The following TGM2 variants were observed in gnomAD, a reference collection of about 807,000 sequenced individuals.
The protein encoded by TGM2 is protein-glutamine gamma-glutamyltransferase 2.
In TGM2, 53 loss-of-function variants were observed where a neutral mutation model predicts 75.6. The ratio of observed to expected loss-of-function variants is 0.70; its 90% confidence interval spans 0.56 to 0.88. The LOEUF (loss-of-function observed/expected upper bound fraction) is 0.88. TGM2 is among the 40% of genes least tolerant of loss of function. The pLI is 0.00. For missense variants in TGM2, 842 were observed against 928.5 expected (o/e 0.91, Z 1.21); for synonymous variants, 374 against 381.1 (o/e 0.98, Z 0.22).
intron 5 of TGM2, 40 bp downstream of exon 5, chr20:38,147,921 T>C (rs1286732801): frequency 1.9e-6 from 3 of 1,589,642 alleles, no homozygotes; most frequent in East Asian, 2.3e-5. Flanking sequence ...GGGAGCCCCC[T>C]GTAGGCCCCG....
chr20:38,141,005 T>C (rs1205020419), intron 8 of TGM2, among the ~76,000 whole-genome samples: 1 of 152,228 alleles, frequency 6.6e-6, no homozygotes, highest in African/African-American at 2.4e-5. Flanking sequence ...GTGTGAATGT[T>C]AATGCTGCTT....
chr20:38,146,784 C>T lies in TGM2; in HGVS notation c.792G>A (p.Trp264Ter). ...WIGSVDILRR[W>*]KNHGCQRVKY... is the part of the protein sequence containing the mutation. ...TGACGCGCTGGCAGCCGTGGTTCTT[C>T]CAGCGCCGCAGGATGTCCACGCTGC... is the stretch of plus-strand genomic sequence containing the variant. Residue 264 changes from tryptophan (W) to a stop codon, truncating the protein, a stop_gained, in exon 6 of 13, where the codon TGG (tryptophan) becomes TGA (stop). Transcript: ENST00000361475. LOFTEE classifies it high-confidence loss of function. 1 of 1,613,948 alleles carries T rather than the reference C, an allele frequency of 6.2e-7. No individual in the cohort carries two copies. The highest frequency in any genetic ancestry group is 8.5e-7 in the Non-Finnish European group (1 of 1,180,006).
In TGM2 at chr20:38,165,199, G is replaced by C; in HGVS notation, c.-1C>G. On this transcript the variant is annotated 5_prime_UTR_variant, in exon 1 of 13. Transcript: ENST00000361475. ...GACTCTGATACTCACCCTCGGCCAT[G>C]GTCGGGCGGGGGCGGTGGCTCCTTC... is the stretch of plus-strand genomic sequence containing the variant. The C allele has an allele frequency of 6.2e-7, 1 of 1,613,468 alleles. No homozygotes were observed.
chr20:38,149,535 C>T (rs1032892937), intron 4 of TGM2, among the ~76,000 whole-genome samples: 103 of 151,954 alleles, frequency 6.8e-4, no homozygotes, highest in African/African-American at 2.1e-3. Context: ...AAAAATTAGC[C>T]GGGTGTGGTG....
At position 38,128,069 on chromosome 20, in the gene TGM2, C is replaced by T. The variant is rs957509807; in HGVS notation, c.*2150G>A. On this transcript the variant is annotated 3_prime_UTR_variant, in exon 13 of 13. Transcript: ENST00000361475. ...TTGAATTGGTCCATATTCCAGGACT[C>T]TGGGGACCCGAAAAGATATCAAGGA... 1 of 152,284 alleles carries T rather than the reference C, an allele frequency of 6.6e-6. No individual in the cohort carries two copies. The highest frequency in any genetic ancestry group is 2.1e-4 in the South Asian group (1 of 4,820). The allele number at this position is 152,284 out of a possible 1,614,324, so 9.4% of individuals were successfully genotyped here.
Position 38,151,031 on chromosome 20 carries a change from C to T in TGM2, c.460G>A (p.Glu154Lys), listed in dbSNP as rs1260605237. 5.0e-6 allele frequency: 8 copies of T among 1,614,180 alleles called. No homozygotes were observed. The highest frequency in any genetic ancestry group is 6.8e-6 in the Non-Finnish European group (8 of 1,180,020). ...GTGAGGACATACTCCTGCCGCTCCT[C>T]TTCCGAGTCCAGGTACACAGCATCC... ...PADAVYLDSE[E>K]ERQEYVLTQQ... is the part of the protein sequence containing the mutation. Residue 154 changes from glutamate (E) to lysine (K), a missense_variant, in exon 4 of 13, where the codon GAG (glutamate) becomes AAG (lysine). Physicochemically the swap from Glu to Lys is moderately conservative, Grantham distance 56 (BLOSUM62 1). Coordinates refer to ENST00000361475, the MANE Select transcript of TGM2 (RefSeq NM_004613.4).
At position 38,146,926 on chromosome 20, in the gene TGM2, C is replaced by G. The variant is rs1484684865; in HGVS notation, c.682-32G>C. ...CCAGTGGGGCAGCACGGGGACTGAG[C>G]CTGGGATGGGGTGTCGGCTGTGCCG... On this transcript the variant is annotated intron_variant, in intron 5 of 12. Coordinates refer to ENST00000361475, the MANE Select transcript of TGM2 (RefSeq NM_004613.4). 1.9e-6 allele frequency: 3 copies of G among 1,606,012 alleles called. No individual in the cohort carries two copies. In the South Asian group the frequency reaches 3.3e-5, roughly 18 times the overall value.
At chr20:38,146,602 T>G in intron 6 of TGM2, 115 bp downstream of exon 6, 1 of 1,253,946 alleles carries the variant, frequency 8.0e-7, no homozygotes, top group Non-Finnish European at 1.1e-6. Context: ...ACATAGCGCA[T>G]TGAGAGTGTT....
chr20:38,143,564 G>A (rs2075004661), intron 6 of TGM2, among the ~76,000 whole-genome samples: 1 of 152,216 alleles, frequency 6.6e-6, no homozygotes. Flanking sequence ...TCAGCTCAGA[G>A]AGGCGAGGAG....
rs2075272192 is a variant in TGM2, at chr20:38,163,055, C to A, written c.11-1456G>T. On this transcript the variant is annotated intron_variant, in intron 1 of 12. Transcript: ENST00000361475. The stretch of plus-strand genomic sequence containing the variant: ...TGAGTCTAGAAGATGTGTTGGGAAC[C>A]CCCTTCCCCACGGCCCAGCCCAGGA... Among the ~76,000 whole-genome samples the A allele has an allele frequency of 2.0e-5, 3 of 152,252 alleles. No homozygotes were observed. The South Asian group carries it at 6.2e-4, about 32-fold the overall frequency.
Position 38,129,852 on chromosome 20 carries a change from T to G in TGM2, c.*367A>C. On this transcript the variant is annotated 3_prime_UTR_variant, in exon 13 of 13. Coordinates refer to ENST00000361475, the MANE Select transcript of TGM2 (RefSeq NM_004613.4). ...GCCAAGGGGCATGCTGTCCCTTTTT[T>G]GCCTGCTCCAAGGAGCTATGAAGTA... 1 of 261,716 alleles carries G rather than the reference T, an allele frequency of 3.8e-6. No homozygotes were observed. Among genetic ancestry groups the G allele is most frequent in the Non-Finnish European group, 7.5e-6 (1 of 132,696 alleles). 16.2% of individuals were successfully genotyped at this position (261,716 alleles called of 1,614,324 possible). A position where few individuals can be genotyped will look rare whatever the true frequency, so the allele number is the denominator to read the frequency against.
chr20:38,155,989 G>A lies in TGM2; in HGVS notation c.291C>T (p.Asp97=), dbSNP rs1229093198. 2 of 1,613,716 alleles carry A rather than the reference G, an allele frequency of 1.2e-6. No homozygotes were observed. The highest frequency in any genetic ancestry group is 1.7e-4 in the Middle Eastern group (1 of 6,054). Residue 97 remains aspartate, a synonymous_variant, in exon 3 of 13, where the codon GAC becomes GAT. Coordinates refer to ENST00000361475, the MANE Select transcript of TGM2 (RefSeq NM_004613.4). ...TGGTGAGCTGCAGCGAGAGGGTGCA[G>A]TCTTGCTGGTCCACCACGGTGGCTG... The part of the protein sequence containing the change: ...DWTATVVDQQ[D]CTLSLQLTTP...
intron 11 of TGM2, 67 bp downstream of exon 11, chr20:38,132,273 A>G: frequency 6.3e-7 from 1 of 1,576,284 alleles, no homozygotes; most frequent in South Asian, 1.1e-5. Context: ...GGGTGGGGGT[A>G]GGGATCTGCC....
In TGM2 at chr20:38,156,019, G is replaced by A. The variant is rs371797455; in HGVS notation, c.261C>T (p.Asp87=). The change falls in exon 3 of 13, where the codon GAC becomes GAT. Residue 87 remains aspartate, a synonymous_variant. Transcript: ENST00000361475. The stretch of plus-strand genomic sequence containing the variant: ...GCTGGTCCACCACGGTGGCTGTCCA[G>A]TCACCCTCCTCCACAGCATCTCTTA... ...FPLRDAVEEG[D]WTATVVDQQD... is the part of the protein sequence containing the mutation. 1 of 1,613,760 alleles carries A rather than the reference G, an allele frequency of 6.2e-7. No individual in the cohort carries two copies. The highest frequency in any genetic ancestry group is 8.5e-7 in the Non-Finnish European group (1 of 1,179,980).
At chr20:38,133,077 C>T (rs544857681) in intron 10 of TGM2, 5 of 355,350 alleles carry the variant, frequency 1.4e-5, no homozygotes, top group African/African-American at 6.4e-5. Flanking sequence ...GGTGAAATAA[C>T]GTTGTCCTAG....
rs2074789424 is a variant in TGM2, at chr20:38,128,492, A to G, written c.*1727T>C. The G allele has an allele frequency of 6.6e-6, 1 of 152,262 alleles. No homozygotes were observed. The highest frequency in any genetic ancestry group is 2.4e-5 in the African/African-American group (1 of 41,466). The allele number at this position is 152,262 out of a possible 1,614,324, so 9.4% of individuals were successfully genotyped here. A position where few individuals can be genotyped will look rare whatever the true frequency, so the allele number is the denominator to read the frequency against. The stretch of plus-strand genomic sequence containing the variant: ...TGTGAAAAATAAACTATTTTATTTC[A>G]GTGTTTGCTCCTTGCGGTTCAGAAG... On this transcript the variant is annotated 3_prime_UTR_variant, in exon 13 of 13. Transcript: ENST00000361475.
intron 6 of TGM2, chr20:38,145,869 G>A (rs1440240428): frequency 1.3e-5 from 2 of 149,634 alleles, no homozygotes; most frequent in African/African-American, 4.9e-5. Flanking sequence ...CAGGGGTCAA[G>A]CGATCTTCCT....
At chr20:38,137,823 G>A (rs897674723) in intron 10 of TGM2, 21 of 513,276 alleles carry the variant, frequency 4.1e-5, no homozygotes, top group Middle Eastern at 5.5e-4. Flanking sequence ...TATAGCTGCT[G>A]TGAGGACAGG....
upstream of TGM2, among the ~76,000 whole-genome samples, chr20:38,167,993 A>G (rs1386367973): frequency 1.3e-5 from 2 of 152,094 alleles, no homozygotes; most frequent in Non-Finnish European, 2.9e-5. Context: ...ATTCATGGAG[A>G]GTTTGTACAG....
Sources: gnomAD v4.1 joint callset for allele counts (sites outside exome capture counted in the v4.1 genomes callset) on GRCh38, gnomAD v4.1.1 for gene constraint, MANE v1.5 for transcripts, NCBI Gene and HGNC (gene_info 2026-07-23, HGNC 2026-07-21) for gene names.